The following IGSF22 variants were observed in gnomAD, a reference collection of about 807,000 sequenced individuals.
The protein encoded by IGSF22 is immunoglobulin superfamily, member 22.
Under a neutral mutation model 127.0 loss-of-function variants are expected in IGSF22, and 119 were observed. The ratio of observed to expected loss-of-function variants is 0.94; its 90% CI spans 0.81 to 1.09. The LOEUF is 1.09. IGSF22 is among the 50% of genes least tolerant of loss of function. IGSF22 has a pLI of 0.00. For missense variants in IGSF22, 1,518 were observed against 1,716.6 expected (o/e 0.88, Z 2.04); for synonymous variants, 568 against 664.7 (o/e 0.85, Z 2.24).
chr11:18,708,034 G>A (rs751657779), intron 19 of IGSF22, 38 bp from the exon 20 acceptor site: 38 of 1,608,894 alleles, frequency 2.4e-5, no homozygotes, highest in Non-Finnish European at 3.1e-5. Flanking sequence ...TGGTCACACA[G>A]ATGATATTTG....
intron 20 of IGSF22, 22 bp downstream of exon 20, chr11:18,707,781 AG>A: frequency 6.5e-7 from 1 of 1,549,762 alleles, no homozygotes. Context: ...TGGGTCTTGG[AG>A]GCCTCTGCCT....
intron 11 of IGSF22, among the ~76,000 whole-genome samples, chr11:18,715,096 G>A (rs1848436672): frequency 6.6e-6 from 1 of 152,060 alleles, no homozygotes; most frequent in Non-Finnish European, 1.5e-5. Flanking sequence ...GTGGTTTATG[G>A]TTAGGTAGTA....
At chr11:18,724,841 AT>A (rs1017063408) in intron 1 of IGSF22, among the ~76,000 whole-genome samples, 1 of 152,178 alleles carries the variant, frequency 6.6e-6, no homozygotes, top group African/African-American at 2.4e-5. Context: ...ATTCAATCAC[AT>A]AGTTAAAGAA....
At chr11:18,706,830 C>G in intron 21 of IGSF22, 84 bp downstream of exon 21, 1 of 1,079,580 alleles carries the variant, frequency 9.3e-7, no homozygotes, top group Non-Finnish European at 1.3e-6. Flanking sequence ...TTTATCTTGC[C>G]TCTTGGGTAC....
chr11:18,717,400 G>A (rs535872918), intron 9 of IGSF22, among the ~76,000 whole-genome samples: 1 of 149,880 alleles, frequency 6.7e-6, no homozygotes, highest in Non-Finnish European at 1.5e-5. Context: ...TTGACCTCTA[G>A]TAGTTTAGCT....
At chr11:18,704,873 T>A (rs1043793277) in intron 22 of IGSF22, 1 of 294,444 alleles carries the variant, frequency 3.4e-6, no homozygotes, top group African/African-American at 2.1e-5. Flanking sequence ...CAAGCAGATT[T>A]GAGTTATCAG....
Position 18,706,428 on chromosome 11 carries a change from C to G in IGSF22, c.3581-282G>C, listed in dbSNP as rs1848234856. On this transcript the variant is annotated intron_variant, in intron 21 of 22. Coordinates refer to ENST00000513874, the MANE Select transcript of IGSF22 (RefSeq NM_173588.4). ...GAGATGTCATTCCAGCGCCAGCTTC[C>G]TGGACCCGGTTATTCCCAGCCTTTA... 11 of 507,604 alleles carry G rather than the reference C, an allele frequency of 2.2e-5. No individual in the cohort carries two copies. The South Asian group carries it at 3.0e-4, about 14-fold the overall frequency. 31.4% of individuals were successfully genotyped at this position (507,604 alleles called of 1,614,324 possible).
At chr11:18,707,569 G>C (rs920520674) in intron 20 of IGSF22, among the ~76,000 whole-genome samples, 1 of 152,172 alleles carries the variant, frequency 6.6e-6, no homozygotes, top group African/African-American at 2.4e-5. Flanking sequence ...TCTTTAAGCA[G>C]TCACCCCAAT....
Position 18,705,868 on chromosome 11 carries a change from C to T in IGSF22, c.3859G>A (p.Val1287Met). 6.4e-7 allele frequency: 1 copy of T among 1,551,340 alleles called. No homozygotes were observed. Residue 1287 changes from valine (V) to methionine (M), a missense_variant, in exon 22 of 23, where the codon GTG becomes ATG. Val to Met is a conservative substitution (Grantham distance 21, BLOSUM62 1). Coordinates refer to ENST00000513874, the MANE Select transcript of IGSF22 (RefSeq NM_173588.4). ...LKDSGDYSVL[V>M]ENELGKDRSS... The stretch of plus-strand genomic sequence containing the variant: ...CGGTCCTTGCCCAGCTCGTTCTCCA[C>T]CAGCACGCTGTAATCGCCGCTGTCC...
At chr11:18,721,071 AC>A (rs1259125220) in intron 4 of IGSF22, among the ~76,000 whole-genome samples, 1 of 152,068 alleles carries the variant, frequency 6.6e-6, no homozygotes, top group African/African-American at 2.4e-5. Context: ...AGCTGGTTAG[AC>A]CTAAGGATGG....
At chr11:18,706,401 C>T in intron 21 of IGSF22, 1 of 514,894 alleles carries the variant, frequency 1.9e-6, no homozygotes, top group South Asian at 2.7e-5. Context: ...ACCCCTGGGG[C>T]CGAGATGTCA....
Position 18,710,915 on chromosome 11 carries a change from T to G in IGSF22, c.2399-87A>C, listed in dbSNP as rs184533166. The G allele has an allele frequency of 4.4e-6, 5 of 1,141,684 alleles. No individual in the cohort carries two copies. In the African/African-American group the frequency reaches 6.2e-5, roughly 14 times the overall value. 70.7% of individuals were successfully genotyped at this position (1,141,684 alleles called of 1,614,324 possible). A position where few individuals can be genotyped will look rare whatever the true frequency, so the allele number is the denominator to read the frequency against. Reference sequence around the variant, plus strand: ...CATGCTGACTTCTGCCTCGCCTGCTTAAATAAACTCAAACCAGTGATTCTT... The same window carrying G: ...CATGCTGACTTCTGCCTCGCCTGCTGAAATAAACTCAAACCAGTGATTCTT... On this transcript the variant is annotated intron_variant, in intron 15 of 22. Transcript: ENST00000513874.
chr11:18,720,134 AG>A (rs762994937), intron 5 of IGSF22, 31 bp from the exon 6 acceptor site: 6 of 1,614,018 alleles, frequency 3.7e-6, no homozygotes, highest in Non-Finnish European at 5.1e-6. Flanking sequence ...AGGTTCAGAC[AG>A]GGGGAGTCTG....
Position 18,707,877 on chromosome 11 carries a change from G to T in IGSF22, c.3207C>A (p.Asp1069Glu). 6.2e-7 allele frequency: 1 copy of T among 1,614,184 alleles called. No individual in the cohort carries two copies. Among genetic ancestry groups the T allele is most frequent in the Non-Finnish European group, 8.5e-7 (1 of 1,180,020 alleles). ...GAAGCAAGATTCGGTACACCCCTGA[G>T]TCAGAGCGCTTGGTGCTATTAATGA... ...QFLINSTKRS[D>E]SGVYRILLQN... The change falls in exon 20 of 23, where the codon GAC (aspartate) becomes GAA (glutamate). Residue 1069 changes from aspartate (D) to glutamate (E), a missense_variant. This residue lies in a region of IGSF22 where 1,456 missense variants were observed against 1,644.9 expected (regional missense o/e 0.89). Transcript: ENST00000513874.
chr11:18,709,614 C>G lies in IGSF22; in HGVS notation c.2771G>C (p.Arg924Pro), dbSNP rs77974463. 1.2e-6 allele frequency: 2 copies of G among 1,614,024 alleles called. No homozygotes were observed. Among genetic ancestry groups the G allele is most frequent in the African/African-American group, 1.3e-5 (1 of 74,906 alleles). The change falls in exon 18 of 23, where the codon CGG (arginine) becomes CCG (proline). Residue 924 changes from arginine (R) to proline (P), a missense_variant. By Grantham distance (103) the Arg-to-Pro change is moderately radical. Around this residue, in one of 3 missense-constraint regions of IGSF22, gnomAD observed 1,456 missense variants for 1,644.9 expected, o/e 0.89. Transcript: ENST00000513874. The surrounding 1 kb of genome is among the most constrained non-coding windows in gnomAD (Gnocchi z 4.8). ...GGGTGGGTCTCCCTCTGCAGGCTCC[C>G]GCCAGGCCAGGGAAATGCTGGAGTT... Reference protein sequence around the residue: ...SSNSSISLAWREPAEGDPPSG... With the variant: ...SSNSSISLAWPEPAEGDPPSG...
chr11:18,718,617 T>C lies in IGSF22; in HGVS notation c.808A>G (p.Lys270Glu), dbSNP rs780044583. ...KDPNVKMIWI[K>E]GTEPLRIQYS... is the part of the protein sequence containing the mutation. Reference sequence around the variant, plus strand: ...GACCCTGGCTAGGCATCCCCCACCTTGATCCATATCATCTTGACATTGGGG... The same window carrying C: ...GACCCTGGCTAGGCATCCCCCACCTCGATCCATATCATCTTGACATTGGGG... The change falls in exon 8 of 23, where the codon AAG becomes GAG. Residue 270 changes from lysine to glutamate, a missense_variant and splice_region_variant. Lys to Glu is a moderately conservative substitution (Grantham distance 56). This residue lies in a region of IGSF22 where 1,456 missense variants were observed against 1,644.9 expected (regional missense o/e 0.89). Transcript: ENST00000513874. 6.3e-7 allele frequency: 1 copy of C among 1,587,078 alleles called. No homozygotes were observed.
In IGSF22 at chr11:18,707,974, A is replaced by G; in HGVS notation, c.3110T>C (p.Ile1037Thr). The change falls in exon 20 of 23, where the codon ATC becomes ACC. Residue 1037 changes from isoleucine (I) to threonine (T), a missense_variant. Transcript: ENST00000513874. ...AFSGSPPPDVIWQKDGVPTKG... is the reference protein window; with the variant it reads ...AFSGSPPPDVTWQKDGVPTKG... ...GGTGGGAACGCCATCTTTCTGCCAG[A>G]TCACGTCAGGTGGTGGTGAGCCCTG... The G allele has an allele frequency of 6.2e-7, 1 of 1,614,114 alleles. No individual in the cohort carries two copies. Among genetic ancestry groups the G allele is most frequent in the Non-Finnish European group, 8.5e-7 (1 of 1,179,984 alleles).
chr11:18,710,962 G>C (rs1848344886), intron 15 of IGSF22, 134 bp from the exon 16 acceptor site: 1 of 771,876 alleles, frequency 1.3e-6, no homozygotes, highest in Non-Finnish European at 2.0e-6. Flanking sequence ...CTTTTTTAGA[G>C]ACAAGGTCTC....
chr11:18,721,300 T>TG (rs1247230525), intron 4 of IGSF22, among the ~76,000 whole-genome samples: 3 of 152,236 alleles, frequency 2.0e-5, no homozygotes, highest in Non-Finnish European at 4.4e-5. Flanking sequence ...GCTCTGCCCC[T>TG]GCTCTGCTCT....
Sources: gnomAD v4.1 joint callset for allele counts (sites outside exome capture counted in the v4.1 genomes callset) on GRCh38, gnomAD v4.1.1 for gene constraint, gnomAD v4.1.1 regional missense constraint, Gnocchi (gnomAD v3.1) non-coding constraint, MANE v1.5 for transcripts, NCBI Gene and HGNC (gene_info 2026-07-23, HGNC 2026-07-21) for gene names.